Variants in GRB10 observed in about 807,000 individuals in gnomAD.
GRB10 encodes the protein growth factor receptor bound protein 10, also known as growth factor receptor-bound protein 10.
GRB10 carries 20 observed loss-of-function variants against 80.9 expected under a neutral mutation model. That is an observed-to-expected ratio of 0.25 (90% CI 0.17 to 0.36). GRB10 has a LOEUF of 0.36. Among genes scored for constraint, GRB10 ranks in the 10% least tolerant of loss-of-function variants. The pLI, the probability that GRB10 is intolerant of heterozygous loss-of-function variation, is 1.00. For missense variants in GRB10, 548 were observed against 747.7 expected (o/e 0.73, Z 3.12); for synonymous variants, 291 against 291.5 (o/e 1.00, Z 0.02).
chr7:50,766,498 C>T (rs186135906), intron 2 of GRB10, among the ~76,000 whole-genome samples: 10 of 151,614 alleles, frequency 6.6e-5, no homozygotes, highest in South Asian at 4.2e-4. Context: ...AAAAAAGGGG[C>T]GGGTTAAAGA....
At chr7:50,715,471 A>G (rs1328764892) in intron 4 of GRB10, among the ~76,000 whole-genome samples, 1 of 152,222 alleles carries the variant, frequency 6.6e-6, no homozygotes, top group Non-Finnish European at 1.5e-5. Flanking sequence ...CAATTGGTGG[A>G]TCCCAACCTT....
intron 2 of GRB10, among the ~76,000 whole-genome samples, chr7:50,756,257 A>AGACAGAG (rs2075065485): frequency 6.6e-6 from 1 of 152,242 alleles, no homozygotes; most frequent in South Asian, 2.1e-4. Flanking sequence ...TGATGCCCAG[A>AGACAGAG]GACAGAGGAC....
intron 6 of GRB10, among the ~76,000 whole-genome samples, chr7:50,672,027 T>C (rs1477537518): frequency 1.3e-5 from 2 of 152,218 alleles, no homozygotes; most frequent in South Asian, 2.1e-4. Flanking sequence ...CTTGTGTTTG[T>C]CTAGAACACA....
chr7:50,787,055 G>A (rs939097928), upstream of GRB10, among the ~76,000 whole-genome samples: 2 of 152,218 alleles, frequency 1.3e-5, no homozygotes, highest in East Asian at 3.8e-4. Context: ...TGTCCTAGGA[G>A]AAAATCACAG....
At chr7:50,669,025 C>T (rs2060090178) in intron 7 of GRB10, among the ~76,000 whole-genome samples, 1 of 152,224 alleles carries the variant, frequency 6.6e-6, no homozygotes, top group Non-Finnish European at 1.5e-5. Context: ...GACTACAAGA[C>T]AGAAACTCTT....
chr7:50,751,067 G>A (rs993254394), intron 3 of GRB10, among the ~76,000 whole-genome samples: 5 of 152,118 alleles, frequency 3.3e-5, no homozygotes, highest in Non-Finnish European at 7.4e-5. Context: ...CACAGGGACC[G>A]AGAGCTCACT....
chr7:50,745,610 A>C (rs2072757489), intron 3 of GRB10, among the ~76,000 whole-genome samples: 2 of 152,248 alleles, frequency 1.3e-5, no homozygotes, highest in South Asian at 4.1e-4. Context: ...TGCCGCCTAA[A>C]AATAGTGAAT....
intron 4 of GRB10, among the ~76,000 whole-genome samples, chr7:50,712,594 C>T (rs1030845382): frequency 2.6e-5 from 4 of 152,252 alleles, no homozygotes; most frequent in Admixed American, 6.5e-5. Flanking sequence ...CACATTTTCA[C>T]TAAAATCATA....
At chr7:50,771,914 A>G (rs1296472338) in intron 2 of GRB10, among the ~76,000 whole-genome samples, 1 of 152,222 alleles carries the variant, frequency 6.6e-6, no homozygotes, top group Non-Finnish European at 1.5e-5. Context: ...GTTTCAACTC[A>G]TGAGTCAGGA....
At chr7:50,595,583 TCACA>T (rs900246133) in intron 17 of GRB10, 53 bp from the exon 18 acceptor site, 8 of 646,436 alleles carry the variant, frequency 1.2e-5, no homozygotes, top group South Asian at 1.8e-5. Context: ...CTGGAACTAA[TCACA>T]CACACACACT....
chr7:50,710,556 C>A (rs980165068), intron 4 of GRB10, among the ~76,000 whole-genome samples: 4 of 152,160 alleles, frequency 2.6e-5, no homozygotes, highest in East Asian at 1.9e-4. Context: ...GTTTTCTTAT[C>A]TAAAACTGCA....
At chr7:50,695,014 A>C (rs563376530) in intron 5 of GRB10, among the ~76,000 whole-genome samples, 31 of 152,224 alleles carry the variant, frequency 2.0e-4, no homozygotes, top group African/African-American at 7.5e-4. Flanking sequence ...TGAGAGCTTT[A>C]GGCTCTCTCC....
At chr7:50,626,686 C>T (rs2052959710) in intron 8 of GRB10, 136 bp downstream of exon 8, 7 of 946,406 alleles carry the variant, frequency 7.4e-6, no homozygotes, top group East Asian at 2.4e-5. Flanking sequence ...ACAGGAGAGT[C>T]GAGGGGAACC....
At chr7:50,773,617 C>T (rs1003260828) in intron 2 of GRB10, among the ~76,000 whole-genome samples, 5 of 152,114 alleles carry the variant, frequency 3.3e-5, no homozygotes, top group Non-Finnish European at 5.9e-5. Context: ...AATGGTGCAG[C>T]TGCTCTAGAA....
At chr7:50,692,980 G>A (rs1167848911) in intron 5 of GRB10, among the ~76,000 whole-genome samples, 1 of 152,178 alleles carries the variant, frequency 6.6e-6, no homozygotes, top group African/African-American at 2.4e-5. Context: ...TGATGAGGAA[G>A]ATAAGACATG....
intron 17 of GRB10, among the ~76,000 whole-genome samples, chr7:50,600,120 G>T (rs980688812): frequency 2.6e-5 from 4 of 152,172 alleles, no homozygotes; most frequent in Non-Finnish European, 5.9e-5. Context: ...CACGGCAAGG[G>T]TAACAGAGGT....
intron 2 of GRB10, among the ~76,000 whole-genome samples, chr7:50,763,449 G>A (rs746839979): frequency 3.3e-5 from 5 of 152,188 alleles, no homozygotes; most frequent in East Asian, 1.9e-4. Flanking sequence ...GGGGAGGCCC[G>A]CTGGAGTGGG....
chr7:50,598,062 T>C (rs1198395208), intron 17 of GRB10, among the ~76,000 whole-genome samples: 2 of 152,106 alleles, frequency 1.3e-5, no homozygotes, highest in African/African-American at 2.4e-5. Flanking sequence ...TGGGGTTTCA[T>C]GGTATTAGCC....
chr7:50,634,801 G>T (rs568600323), intron 7 of GRB10, among the ~76,000 whole-genome samples: 53 of 152,166 alleles, frequency 3.5e-4, no homozygotes, highest in Non-Finnish European at 2.1e-4. Flanking sequence ...GACAATGAAG[G>T]GCATTATATC....
Sources: allele counts gnomAD v4.1 joint callset (sites outside exome capture counted in the v4.1 genomes callset), GRCh38; gene constraint gnomAD v4.1.1; transcripts MANE v1.5; gene names NCBI Gene and HGNC (gene_info 2026-07-23, HGNC 2026-07-21).